The following LRRC37A2 variants were observed in gnomAD, a reference collection of about 807,000 sequenced individuals.
The protein encoded by LRRC37A2 is leucine rich repeat containing 37 member A2.
Under a neutral mutation model 68.8 loss-of-function variants are expected in LRRC37A2, and 9 were observed. That is an observed-to-expected ratio of 0.13 (90% CI 0.08 to 0.23). The LOEUF (loss-of-function observed/expected upper bound fraction) is 0.23. LRRC37A2 is among the 10% of genes least tolerant of loss of function. The pLI, the probability that LRRC37A2 is intolerant of heterozygous loss-of-function variation, is 1.00. For missense variants in LRRC37A2, 168 were observed against 950.4 expected, an observed-to-expected ratio of 0.18 and a Z score of 10.82; for synonymous variants, 63 against 367.6, an observed-to-expected ratio of 0.17 and a Z score of 9.48.
chr17:46,922,993 C>T, the LRRC37A2 span: 1 of 627,774 alleles, frequency 1.6e-6, no homozygotes, highest in Non-Finnish European at 2.9e-6. Context: ...TGTGACTACA[C>T]TTATCCTTCC....
At chr17:46,498,842 A>G in the LRRC37A2 span, among the ~76,000 whole-genome samples, 1 of 150,502 alleles carries the variant, frequency 6.6e-6, no homozygotes, top group East Asian at 1.9e-4. Flanking sequence ...TGAAAGCAAA[A>G]GTTAAAACAC....
the LRRC37A2 span, among the ~76,000 whole-genome samples, chr17:46,501,271 G>C: frequency 6.6e-6 from 1 of 151,042 alleles, no homozygotes; most frequent in Non-Finnish European, 1.5e-5. Flanking sequence ...CGCCTCCCGG[G>C]TTCACGCGAT....
the LRRC37A2 span, among the ~76,000 whole-genome samples, chr17:46,712,184 G>A: frequency 2.0e-5 from 3 of 152,018 alleles, no homozygotes; most frequent in Non-Finnish European, 4.4e-5. Context: ...TGTAGATGGA[G>A]ATAAGTAGAC....
the LRRC37A2 span, among the ~76,000 whole-genome samples, chr17:46,786,257 G>A: frequency 6.6e-6 from 1 of 152,236 alleles, no homozygotes; most frequent in African/African-American, 2.4e-5. Flanking sequence ...GTCAAGGGTG[G>A]AAGAAGGAGG....
At chr17:46,769,893 C>T in the LRRC37A2 span, 2 of 1,613,586 alleles carry the variant, frequency 1.2e-6, no homozygotes, top group Admixed American at 3.3e-5. Context: ...TCAGCGTCCT[C>T]GCTGCAGCCG....
At chr17:46,793,272 TAAAAAAAAAAA>T in the LRRC37A2 span, among the ~76,000 whole-genome samples, 1,031 of 42,008 alleles carry the variant, frequency 0.025, 30 homozygotes, top group Middle Eastern at 0.11. Context: ...AGACCCTGTC[TAAAAAAAAAAA>T]AAAAAAAAAA....
chr17:46,862,302 T>C, the LRRC37A2 span, among the ~76,000 whole-genome samples: 2 of 152,170 alleles, frequency 1.3e-5, no homozygotes, highest in Non-Finnish European at 2.9e-5. Context: ...GTATATTCCA[T>C]GGCTAACAGC....
the LRRC37A2 span, among the ~76,000 whole-genome samples, chr17:46,766,306 G>A: frequency 1.3e-5 from 2 of 152,078 alleles, no homozygotes. Flanking sequence ...TACTCGGGAG[G>A]CTGAGGCAGG....
the LRRC37A2 span, among the ~76,000 whole-genome samples, chr17:46,915,123 G>C: frequency 6.6e-6 from 1 of 152,226 alleles, no homozygotes; most frequent in African/African-American, 2.4e-5. Context: ...AATTCAACCA[G>C]AGGCTCAGCT....
chr17:46,993,128 G>C, the LRRC37A2 span, among the ~76,000 whole-genome samples: 2 of 151,648 alleles, frequency 1.3e-5, no homozygotes, highest in Non-Finnish European at 2.9e-5. Flanking sequence ...AATGAACATG[G>C]TATCTTATAA....
the LRRC37A2 span, chr17:46,872,830 G>A: frequency 2.0e-6 from 3 of 1,500,386 alleles, no homozygotes; most frequent in East Asian, 2.3e-5. Context: ...TCAGGGAGGA[G>A]GAGGCTGGGA....
the LRRC37A2 span, among the ~76,000 whole-genome samples, chr17:46,943,530 C>T: frequency 6.6e-6 from 1 of 152,260 alleles, no homozygotes; most frequent in Admixed American, 6.5e-5. Context: ...TGCCCCTCCC[C>T]TCCAAACAAC....
At chr17:46,739,627 CCCCTTCCT>C in the LRRC37A2 span, among the ~76,000 whole-genome samples, 2 of 151,904 alleles carry the variant, frequency 1.3e-5, no homozygotes, top group Non-Finnish European at 2.9e-5. Flanking sequence ...CTCCTGTGGG[CCCCTTCCT>C]CTACTAAAAA....
chr17:46,830,718 C>A, the LRRC37A2 span: 1 of 398,598 alleles, frequency 2.5e-6, no homozygotes, highest in East Asian at 3.6e-5. Flanking sequence ...AGTGGTGACA[C>A]TTCTCATGGC....
At chr17:46,872,409 C>G in the LRRC37A2 span, 40 of 1,368,624 alleles carry the variant, frequency 2.9e-5, no homozygotes, top group African/African-American at 4.3e-4. Context: ...GGTCAGCCTG[C>G]TGCCCAGAAG....
the LRRC37A2 span, among the ~76,000 whole-genome samples, chr17:46,897,161 C>T: frequency 1.3e-5 from 2 of 152,220 alleles, no homozygotes; most frequent in Non-Finnish European, 2.9e-5. Flanking sequence ...CAGACTCTGG[C>T]TTGGCTCCTC....
At chr17:46,971,109 C>G in the LRRC37A2 span, among the ~76,000 whole-genome samples, 15 of 152,146 alleles carry the variant, frequency 9.9e-5, no homozygotes, top group East Asian at 2.9e-3. Flanking sequence ...CCAGCACTTA[C>G]AGTGGATCAT....
At chr17:47,007,330 A>C in the LRRC37A2 span, among the ~76,000 whole-genome samples, 1 of 152,256 alleles carries the variant, frequency 6.6e-6, no homozygotes, top group South Asian at 2.1e-4. Context: ...GGTGCCTGCC[A>C]GCACAGCCAG....
At chr17:46,635,776 A>AGTGT in the LRRC37A2 span, among the ~76,000 whole-genome samples, 1 of 11,266 alleles carries the variant, frequency 8.9e-5, no homozygotes, top group Non-Finnish European at 3.2e-4. Context: ...AGGGAAAATA[A>AGTGT]ATGTGTGTGT....
Sources: gnomAD v4.1 joint callset for allele counts (sites outside exome capture counted in the v4.1 genomes callset) on GRCh38, gnomAD v4.1.1 for gene constraint, MANE v1.5 for transcripts, NCBI Gene and HGNC (gene_info 2026-07-23, HGNC 2026-07-21) for gene names.